The following EEFSEC variants were observed in gnomAD, a reference collection of about 807,000 sequenced individuals.
EEFSEC encodes eukaryotic elongation factor, selenocysteine-tRNA specific.
A neutral mutation model predicts 42.1 loss-of-function variants in EEFSEC; 43 were observed. The observed-to-expected ratio is 1.02, with a 90% CI of 0.80 to 1.32. The LOEUF (loss-of-function observed/expected upper bound fraction) is 1.32, where lower values mean the gene tolerates loss of function less well. Ranked by LOEUF, EEFSEC falls within the 40% of genes most tolerant of loss-of-function variation. The pLI, the probability that EEFSEC is intolerant of heterozygous loss-of-function variation, is 0.00. For synonymous variants in EEFSEC, 354 were observed against 339.1 expected (o/e 1.04, Z -0.48); for missense variants, 745 against 803.6 (o/e 0.93, Z 0.88).
At chr3:128,238,921 C>G (rs991414652) in intron 1 of EEFSEC, among the ~76,000 whole-genome samples, 2 of 152,204 alleles carry the variant, frequency 1.3e-5, no homozygotes, top group African/African-American at 4.8e-5. Flanking sequence ...ATGGCATATC[C>G]TTTACCTGGA....
chr3:128,411,381 T>C (rs1300574025), downstream of EEFSEC, among the ~76,000 whole-genome samples: 2 of 152,186 alleles, frequency 1.3e-5, no homozygotes, highest in Non-Finnish European at 2.9e-5. Context: ...CATGCCGGTT[T>C]CCCAGGGGTG....
chr3:128,188,015 T>C (rs1370312029), intron 1 of EEFSEC, among the ~76,000 whole-genome samples: 1 of 152,156 alleles, frequency 6.6e-6, no homozygotes, highest in East Asian at 1.9e-4. Context: ...GGGCTTTGTA[T>C]CTTGGACCAA....
chr3:128,293,639 C>A (rs1286409559), intron 4 of EEFSEC, among the ~76,000 whole-genome samples: 1 of 127,424 alleles, frequency 7.8e-6, no homozygotes, highest in African/African-American at 3.2e-5. Context: ...CCAGCCTGGG[C>A]GACAAAGCAA....
chr3:128,174,958 T>G (rs2065333447), intron 1 of EEFSEC, among the ~76,000 whole-genome samples: 2 of 152,208 alleles, frequency 1.3e-5, no homozygotes, highest in Admixed American at 1.3e-4. Flanking sequence ...TTGAATTTTT[T>G]TAAGGCAAAG....
chr3:128,309,748 T>G (rs1005618951), intron 4 of EEFSEC, among the ~76,000 whole-genome samples: 9 of 152,090 alleles, frequency 5.9e-5, no homozygotes, highest in African/African-American at 1.9e-4. Context: ...CTCCTTCAGG[T>G]GTGGAGCTTC....
At chr3:128,274,603 C>T (rs976184432) in intron 4 of EEFSEC, among the ~76,000 whole-genome samples, 4 of 152,212 alleles carry the variant, frequency 2.6e-5, no homozygotes, top group African/African-American at 9.6e-5. Context: ...GCTGTAGCAC[C>T]CTACAAGTTG....
chr3:128,386,965 T>C (rs1477391812), intron 6 of EEFSEC, among the ~76,000 whole-genome samples: 2 of 152,220 alleles, frequency 1.3e-5, no homozygotes, highest in Admixed American at 1.3e-4. Flanking sequence ...AACCACATCA[T>C]ATGCTGGCCT....
At chr3:128,352,814 T>C (rs1003310111) in intron 5 of EEFSEC, among the ~76,000 whole-genome samples, 1 of 152,228 alleles carries the variant, frequency 6.6e-6, no homozygotes, top group African/African-American at 2.4e-5. Context: ...TTCCCCATAT[T>C]ATAGATGGAG....
At chr3:128,230,035 T>A (rs1467259038) in intron 1 of EEFSEC, among the ~76,000 whole-genome samples, 1 of 152,014 alleles carries the variant, frequency 6.6e-6, no homozygotes, top group Non-Finnish European at 1.5e-5. Context: ...TCTTTTCTTT[T>A]CTTTTTTCTT....
chr3:128,369,617 G>A (rs935010706), intron 6 of EEFSEC, among the ~76,000 whole-genome samples: 9 of 152,212 alleles, frequency 5.9e-5, no homozygotes, highest in African/African-American at 2.2e-4. Context: ...AAGAACAAGA[G>A]CTTCGGAGGC....
chr3:128,252,161 A>G (rs189601651), intron 2 of EEFSEC, among the ~76,000 whole-genome samples: 2 of 152,150 alleles, frequency 1.3e-5, no homozygotes, highest in African/African-American at 4.8e-5. Flanking sequence ...TGTCTGTTTT[A>G]GCCAGAGCCC....
intron 6 of EEFSEC, among the ~76,000 whole-genome samples, chr3:128,396,242 G>A (rs1338906445): frequency 6.6e-6 from 1 of 152,210 alleles, no homozygotes; most frequent in Non-Finnish European, 1.5e-5. Flanking sequence ...GCAGCTGGCG[G>A]CGCTAGTGGA....
chr3:128,362,610 G>A (rs777531459), intron 6 of EEFSEC, among the ~76,000 whole-genome samples: 84 of 152,218 alleles, frequency 5.5e-4, no homozygotes, highest in Admixed American at 3.7e-3. Flanking sequence ...TAGCATTGAG[G>A]GGCACGCGGA....
At chr3:128,412,348 A>G (rs2107645154), downstream of EEFSEC, among the ~76,000 whole-genome samples, 1 of 152,310 alleles carries the variant, frequency 6.6e-6, no homozygotes, top group South Asian at 2.1e-4. Flanking sequence ...TCCTCTGCCG[A>G]GCAGCCTCCA....
intron 4 of EEFSEC, among the ~76,000 whole-genome samples, chr3:128,267,008 C>T (rs2066361228): frequency 6.6e-6 from 1 of 152,058 alleles, no homozygotes; most frequent in Admixed American, 6.5e-5. Context: ...ATCCCTTCCA[C>T]TCTGGGAGAA....
chr3:128,229,362 G>T (rs1455607143), intron 1 of EEFSEC, among the ~76,000 whole-genome samples: 1 of 152,218 alleles, frequency 6.6e-6, no homozygotes, highest in Non-Finnish European at 1.5e-5. Context: ...GGCTGAGTGA[G>T]ATTCGTCTGC....
At chr3:128,277,114 G>A (rs1038452718) in intron 4 of EEFSEC, among the ~76,000 whole-genome samples, 9 of 152,210 alleles carry the variant, frequency 5.9e-5, no homozygotes, top group Non-Finnish European at 7.3e-5. Flanking sequence ...AGTCTGTGTC[G>A]GGCCCCTCAC....
intron 1 of EEFSEC, among the ~76,000 whole-genome samples, chr3:128,212,927 A>T (rs577815593): frequency 1.3e-5 from 2 of 152,294 alleles, no homozygotes; most frequent in African/African-American, 4.8e-5. Flanking sequence ...CCTTCCTGGG[A>T]GCATGGCAGC....
At chr3:128,174,083 A>G (rs1180788468) in intron 1 of EEFSEC, among the ~76,000 whole-genome samples, 7 of 152,196 alleles carry the variant, frequency 4.6e-5, no homozygotes, top group African/African-American at 1.4e-4. Context: ...CACCTGGAGG[A>G]GGAAACATTG....
Sources: gnomAD v4.1 joint callset for allele counts (sites outside exome capture counted in the v4.1 genomes callset) on GRCh38, gnomAD v4.1.1 for gene constraint, MANE v1.5 for transcripts, NCBI Gene and HGNC (gene_info 2026-07-23, HGNC 2026-07-21) for gene names.